LRRTM4: variants seen among roughly 807,000 people sequenced by gnomAD.
LRRTM4 encodes leucine-rich repeat transmembrane neuronal protein 4.
LRRTM4 carries 25 observed loss-of-function variants against 47.6 expected under a neutral mutation model. The ratio of observed to expected loss-of-function variants is 0.53; its 90% CI spans 0.38 to 0.73. The LOEUF is 0.73. Ranked by LOEUF, LRRTM4 falls within the 30% of genes least tolerant of loss-of-function variation. LRRTM4 has a pLI of 0.00. For missense variants in LRRTM4, 638 were observed against 713.4 expected (o/e 0.89, Z 1.20); for synonymous variants, 311 against 269.5 (o/e 1.15, Z -1.51).
intron 3 of LRRTM4, among the ~76,000 whole-genome samples, chr2:77,053,155 G>C (rs1250586674): frequency 6.6e-6 from 1 of 152,142 alleles, no homozygotes; most frequent in Admixed American, 6.6e-5. Flanking sequence ...AAATGTATCA[G>C]TAAGGCAGAA....
intron 3 of LRRTM4, among the ~76,000 whole-genome samples, chr2:77,150,990 G>A (rs569572756): frequency 5.3e-5 from 8 of 152,044 alleles, no homozygotes; most frequent in Non-Finnish European, 1.0e-4. Flanking sequence ...AAGTTTTACT[G>A]AGAAATAATT....
rs369985804 is a variant in LRRTM4 at position 76,748,654 on chromosome 2, TC to T, written c.*40del. On this transcript the variant is annotated 3_prime_UTR_variant, in exon 4 of 4. Coordinates refer to ENST00000409884, the MANE Select transcript of LRRTM4 (RefSeq NM_001134745.3). ...TCTCCTTTAAGATGAAGGCCCTCCCTCCCCCCCATGGAGCTCCCCAGTGAGG... is the reference window on the plus strand; with the variant it reads ...TCTCCTTTAAGATGAAGGCCCTCCCTCCCCCCATGGAGCTCCCCAGTGAGG... 1.4e-4 allele frequency: 100 copies of T among 703,914 alleles called. No homozygotes were observed. Among genetic ancestry groups the T allele is most frequent in the Middle Eastern group, 3.9e-4 (1 of 2,554 alleles). The allele number at this position is 703,914 out of a possible 1,614,324, so 43.6% of individuals were successfully genotyped here.
chr2:77,037,560 CAAAG>C (rs1215485846), intron 3 of LRRTM4, among the ~76,000 whole-genome samples: 1 of 151,382 alleles, frequency 6.6e-6, no homozygotes, highest in Non-Finnish European at 1.5e-5. Flanking sequence ...GTTTTATTAC[CAAAG>C]AAAAGCCTCA....
intron 3 of LRRTM4, among the ~76,000 whole-genome samples, chr2:77,407,696 G>A (rs572411213): frequency 1.7e-5 from 2 of 120,248 alleles, no homozygotes; most frequent in Non-Finnish European, 3.5e-5. Context: ...TATAATATAT[G>A]ATATATATAA....
intron 3 of LRRTM4, among the ~76,000 whole-genome samples, chr2:77,360,512 G>GATACA (rs1381186723): frequency 2.3e-4 from 35 of 150,348 alleles, no homozygotes; most frequent in African/African-American, 8.6e-4. Flanking sequence ...GATACGATAC[G>GATACA]ATACGATACG....
chr2:76,984,947 ATAAT>A (rs1676741191), intron 3 of LRRTM4, among the ~76,000 whole-genome samples: 3 of 152,034 alleles, frequency 2.0e-5, no homozygotes, highest in Admixed American at 6.6e-5. Context: ...TCAGAGCAAA[ATAAT>A]TATTTTTTCT....
chr2:76,905,048 A>G (rs561538058), intron 3 of LRRTM4, among the ~76,000 whole-genome samples: 1 of 152,216 alleles, frequency 6.6e-6, no homozygotes, highest in South Asian at 2.1e-4. Flanking sequence ...TGCCTCCTCA[A>G]GTGGGTCTCT....
chr2:77,314,869 A>G (rs905928327), intron 3 of LRRTM4, among the ~76,000 whole-genome samples: 2 of 152,218 alleles, frequency 1.3e-5, no homozygotes, highest in Admixed American at 6.5e-5. Context: ...GCTGGACCAC[A>G]GCAACGAGCC....
intron 3 of LRRTM4, among the ~76,000 whole-genome samples, chr2:77,107,460 T>C (rs1395566527): frequency 6.6e-6 from 1 of 152,132 alleles, no homozygotes; most frequent in Non-Finnish European, 1.5e-5. Context: ...GAAACCACAA[T>C]ATGTTTCAAA....
chr2:77,359,572 T>C (rs1369087000), intron 3 of LRRTM4, among the ~76,000 whole-genome samples: 2 of 152,214 alleles, frequency 1.3e-5, no homozygotes, highest in Non-Finnish European at 2.9e-5. Context: ...TTTTATGAAA[T>C]ATAGTGTTGT....
intron 3 of LRRTM4, among the ~76,000 whole-genome samples, chr2:77,278,349 TA>T (rs1279882370): frequency 1.3e-5 from 2 of 152,062 alleles, no homozygotes; most frequent in Non-Finnish European, 2.9e-5. Context: ...ATTGTTAAGT[TA>T]AAAACATTTT....
intron 3 of LRRTM4, among the ~76,000 whole-genome samples, chr2:76,768,108 T>C (rs1313137476): frequency 1.3e-5 from 2 of 152,176 alleles, no homozygotes; most frequent in Non-Finnish European, 2.9e-5. Flanking sequence ...GTGCATATTA[T>C]ATAGAGATAG....
At chr2:77,115,638 G>A (rs1360621668) in intron 3 of LRRTM4, among the ~76,000 whole-genome samples, 1 of 152,156 alleles carries the variant, frequency 6.6e-6, no homozygotes, top group African/African-American at 2.4e-5. Context: ...TAACAAAGTG[G>A]AACTTGGTAG....
At chr2:77,194,053 T>C (rs1673748323) in intron 3 of LRRTM4, among the ~76,000 whole-genome samples, 1 of 152,178 alleles carries the variant, frequency 6.6e-6, no homozygotes, top group African/African-American at 2.4e-5. Flanking sequence ...ATAGTCATCT[T>C]TTGCTTTGAT....
chr2:77,298,383 C>T (rs1169828403), intron 3 of LRRTM4, among the ~76,000 whole-genome samples: 1 of 152,102 alleles, frequency 6.6e-6, no homozygotes, highest in African/African-American at 2.4e-5. Flanking sequence ...ACTACAGGCA[C>T]CCGCCACCAC....
At chr2:77,405,808 C>T (rs981203590) in intron 3 of LRRTM4, among the ~76,000 whole-genome samples, 11 of 152,082 alleles carry the variant, frequency 7.2e-5, no homozygotes, top group South Asian at 4.1e-4. Context: ...ATTCTCTGTA[C>T]TGAGAAAGGT....
chr2:77,305,057 G>T (rs1677237103), intron 3 of LRRTM4, among the ~76,000 whole-genome samples: 1 of 151,934 alleles, frequency 6.6e-6, no homozygotes, highest in Non-Finnish European at 1.5e-5. Context: ...ATGAGAAAAA[G>T]AAACATTTTA....
intron 3 of LRRTM4, among the ~76,000 whole-genome samples, chr2:76,979,561 T>A (rs1380731711): frequency 1.1e-5 from 1 of 91,646 alleles, no homozygotes; most frequent in Non-Finnish European, 2.1e-5. Context: ...ATGCTCTTCC[T>A]CTATATATAT....
At chr2:76,839,291 C>T (rs765365173) in intron 3 of LRRTM4, among the ~76,000 whole-genome samples, 53 of 152,042 alleles carry the variant, frequency 3.5e-4, no homozygotes, top group Non-Finnish European at 5.4e-4. Flanking sequence ...AAAGCACCAA[C>T]ACAAGATTGC....
Sources: gnomAD v4.1 joint callset for allele counts (sites outside exome capture counted in the v4.1 genomes callset) on GRCh38, gnomAD v4.1.1 for gene constraint, MANE v1.5 for transcripts, NCBI Gene and HGNC (gene_info 2026-07-23, HGNC 2026-07-21) for gene names.